SLC43A1: variants seen among roughly 807,000 people sequenced by gnomAD.
SLC43A1 encodes solute carrier family 43 member 1, also known as large neutral amino acids transporter small subunit 3.
A neutral mutation model predicts 59.5 loss-of-function variants in SLC43A1; 31 were observed. The observed-to-expected ratio is 0.52, with a 90% CI of 0.39 to 0.70. The LOEUF (loss-of-function observed/expected upper bound fraction) is 0.70. SLC43A1 is among the 30% of genes least tolerant of loss of function. The pLI is 0.00. For missense variants in SLC43A1, 598 were observed against 717.8 expected (o/e 0.83, Z 1.91); for synonymous variants, 259 against 290.9 (o/e 0.89, Z 1.12).
In SLC43A1 at chr11:57,488,814, A is replaced by G. The variant is rs992724606; in HGVS notation, c.1409+102T>C. On this transcript the variant is annotated intron_variant, in intron 13 of 14. Transcript: ENST00000278426. ...TCCCTGCCATCAGAGGGTCTCAGAG[A>G]GAGGTGCATTAGGGGATGCCTGGGG... 9 of 946,104 alleles carry G rather than the reference A, an allele frequency of 9.5e-6. No homozygotes were observed. The African/African-American group carries it at 1.3e-4, about 14-fold the overall frequency. 58.6% of individuals were successfully genotyped at this position (946,104 alleles called of 1,614,324 possible).
chr11:57,498,727 G>C (rs544833988), intron 5 of SLC43A1, among the ~76,000 whole-genome samples: 1 of 152,320 alleles, frequency 6.6e-6, no homozygotes, highest in African/African-American at 2.4e-5. Flanking sequence ...ATAAGGGAGG[G>C]AACTGAGCCA....
chr11:57,503,297 GTT>G (rs11402480), intron 2 of SLC43A1, among the ~76,000 whole-genome samples: 7 of 115,848 alleles, frequency 6.0e-5, no homozygotes, highest in Non-Finnish European at 6.8e-5. Context: ...TTCTCTACAG[GTT>G]TTTTTTTTTT....
chr11:57,492,493 ATATAT>A (rs1439714427), intron 8 of SLC43A1, among the ~76,000 whole-genome samples: 1 of 129,510 alleles, frequency 7.7e-6, no homozygotes, highest in Non-Finnish European at 1.6e-5. Context: ...AAATAATATA[ATATAT>A]AATATAATAT....
At chr11:57,510,655 A>G (rs1277584100) in intron 2 of SLC43A1, among the ~76,000 whole-genome samples, 1 of 151,626 alleles carries the variant, frequency 6.6e-6, no homozygotes, top group African/African-American at 2.4e-5. Context: ...AAATATATAT[A>G]TATGAGAAAT....
chr11:57,509,497 A>G lies in SLC43A1; in HGVS notation c.154+4461T>C, dbSNP rs1944471314. On this transcript the variant is annotated intron_variant, in intron 2 of 14. Transcript: ENST00000278426. Reference sequence around the variant, plus strand: ...CAGCTACTCAGGAGGCTGAGGCAGGAGAATTGCTTGAACCCAGGAGGCAGA... The same window carrying G: ...CAGCTACTCAGGAGGCTGAGGCAGGGGAATTGCTTGAACCCAGGAGGCAGA... Among the ~76,000 whole-genome samples the G allele has an allele frequency of 3.3e-5, 5 of 151,946 alleles. No homozygotes were observed. In the South Asian group the frequency reaches 1.0e-3, roughly 32 times the overall value.
At chr11:57,509,270 CTA>C (rs1463096534) in intron 2 of SLC43A1, among the ~76,000 whole-genome samples, 1 of 151,882 alleles carries the variant, frequency 6.6e-6, no homozygotes, top group East Asian at 1.9e-4. Flanking sequence ...AAGGATCTAA[CTA>C]TAAGAGCTAA....
chr11:57,487,275 A>G, intron 13 of SLC43A1, 57 bp from the exon 14 acceptor site: 2 of 1,583,126 alleles, frequency 1.3e-6, no homozygotes, highest in East Asian at 2.3e-5. Context: ...CCAGGCCAGC[A>G]CCTCTCCTAT....
At position 57,515,149 on chromosome 11, in the gene SLC43A1, T is replaced by A; in HGVS notation, c.-14+295A>T. ...GGTATTCTCATCTGTGAAACGGGGC[T>A]TTGGGTTCAAGCGCTCCAGGAGGTC... is the stretch of plus-strand genomic sequence containing the variant. On this transcript the variant is annotated intron_variant, in intron 1 of 14. Coordinates refer to ENST00000278426, the MANE Select transcript of SLC43A1 (RefSeq NM_003627.6). The surrounding 1 kb of genome is among the most constrained non-coding windows in gnomAD (Gnocchi z 5.3). The A allele has an allele frequency of 1.1e-6, 1 of 880,644 alleles. No individual in the cohort carries two copies. The allele number at this position is 880,644 out of a possible 1,614,324, so 54.6% of individuals were successfully genotyped here.
intron 2 of SLC43A1, among the ~76,000 whole-genome samples, chr11:57,509,827 G>C (rs1214882131): frequency 6.6e-6 from 1 of 152,012 alleles, no homozygotes; most frequent in East Asian, 1.9e-4. Context: ...GATACAAGTG[G>C]CAAAAGAGAA....
Position 57,501,185 on chromosome 11 carries a change from C to G in SLC43A1, c.299G>C (p.Arg100Pro). Residue 100 changes from arginine (R) to proline (P), a missense_variant, in exon 3 of 15, where the codon CGC (arginine) becomes CCC (proline). Arg to Pro is a moderately radical substitution (Grantham distance 103). Coordinates refer to ENST00000278426, the MANE Select transcript of SLC43A1 (RefSeq NM_003627.6). ...TTLPLGILMD[R>P]FGPRPVRLVG... The stretch of plus-strand genomic sequence containing the variant: ...CAGCCGCACGGGTCGGGGGCCAAAG[C>G]GGTCCATGAGGATCCCCAGTGGCAG... 1.2e-6 allele frequency: 2 copies of G among 1,612,322 alleles called. No individual in the cohort carries two copies. The highest frequency in any genetic ancestry group is 1.7e-6 in the Non-Finnish European group (2 of 1,180,032).
chr11:57,489,660 C>T (rs1943844938), intron 11 of SLC43A1, among the ~76,000 whole-genome samples: 1 of 152,234 alleles, frequency 6.6e-6, no homozygotes. Context: ...CCCTCAGAAT[C>T]TCAGCGGGGA....
chr11:57,499,331 A>C (rs369873800), intron 5 of SLC43A1, among the ~76,000 whole-genome samples: 2,578 of 151,856 alleles, frequency 0.017, 70 homozygotes, highest in African/African-American at 0.059. Context: ...CTCAACAAAA[A>C]AAAAAAAAAT....
At position 57,491,294 on chromosome 11, in the gene SLC43A1, A is replaced by T. The variant is rs1174263542; in HGVS notation, c.1123T>A (p.Tyr375Asn). The T allele has an allele frequency of 2.5e-6, 4 of 1,611,952 alleles. No individual in the cohort carries two copies. The highest frequency in any genetic ancestry group is 3.4e-6 in the Non-Finnish European group (4 of 1,178,994). ...TCCTTGATCCGCCAGTCCATGATGT[A>T]GCCAATGAGGGGGCAGGTGAGAAGG... ...LCLLTCPLIG[Y>N]IMDWRIKDCV... is the part of the protein sequence containing the mutation. The change falls in exon 11 of 15, where the codon TAC becomes AAC. Residue 375 changes from tyrosine to asparagine, a missense_variant. Transcript: ENST00000278426.
chr11:57,513,951 G>A lies in SLC43A1; in HGVS notation c.154+7C>T. 2 of 739,072 alleles carry A rather than the reference G, an allele frequency of 2.7e-6. No individual in the cohort carries two copies. Among genetic ancestry groups the A allele is most frequent in the East Asian group, 5.0e-5 (1 of 20,054 alleles). The allele number at this position is 739,072 out of a possible 1,614,324, so 45.8% of individuals were successfully genotyped here. ...CCCCAGCCCACCCAGCCCATTTTCA[G>A]GCATACCTGGGCACGTGCTGGAATA... On this transcript the variant is annotated splice_region_variant and intron_variant, in intron 2 of 14. Transcript: ENST00000278426.
Position 57,497,977 on chromosome 11 carries a change from A to G in SLC43A1, c.466-132T>C, listed in dbSNP as rs1944140000. On this transcript the variant is annotated intron_variant, in intron 5 of 14. Coordinates refer to ENST00000278426, the MANE Select transcript of SLC43A1 (RefSeq NM_003627.6). ...CAAGGTAAAACAAACAGAAAAATCA[A>G]TGTGGGAAACTGTACTCTGCCCCCT... is the stretch of plus-strand genomic sequence containing the variant. 4.7e-6 allele frequency: 3 copies of G among 638,894 alleles called. No individual in the cohort carries two copies. The South Asian group carries it at 6.5e-5, about 14-fold the overall frequency. 39.6% of individuals were successfully genotyped at this position (638,894 alleles called of 1,614,324 possible).
At chr11:57,502,370 C>G (rs1306989066) in intron 2 of SLC43A1, among the ~76,000 whole-genome samples, 1 of 152,234 alleles carries the variant, frequency 6.6e-6, no homozygotes, top group African/African-American at 2.4e-5. Flanking sequence ...ATGCCTAACC[C>G]ACGACCTCCT....
chr11:57,506,278 G>A (rs1016942129), intron 2 of SLC43A1, among the ~76,000 whole-genome samples: 2 of 151,560 alleles, frequency 1.3e-5, no homozygotes, highest in African/African-American at 4.9e-5. Flanking sequence ...CCTGGGAGGT[G>A]GAGGACGCAA....
chr11:57,507,462 T>C (rs544264428), intron 2 of SLC43A1, among the ~76,000 whole-genome samples: 80 of 152,180 alleles, frequency 5.3e-4, no homozygotes, highest in Admixed American at 2.0e-3. Context: ...AAAGCAAGAC[T>C]GTCTCAAAAA....
At chr11:57,502,409 A>G (rs1944290358) in intron 2 of SLC43A1, among the ~76,000 whole-genome samples, 1 of 152,254 alleles carries the variant, frequency 6.6e-6, no homozygotes, top group African/African-American at 2.4e-5. Flanking sequence ...GACAGTAAAC[A>G]AAGAGCTTTG....
Sources: allele counts gnomAD v4.1 joint callset (sites outside exome capture counted in the v4.1 genomes callset), GRCh38; gene constraint gnomAD v4.1.1; non-coding constraint Gnocchi (gnomAD v3.1); transcripts MANE v1.5; gene names NCBI Gene and HGNC (gene_info 2026-07-23, HGNC 2026-07-21).